Variants in CLCN4 observed in about 807,000 individuals in gnomAD.
CLCN4 encodes the protein Cl-/H+ antiporter 4.
In CLCN4, 1 loss-of-function variant was observed where a neutral mutation model predicts 41.7. That is an observed-to-expected ratio of 0.02 (90% confidence interval 0.01 to 0.11). The LOEUF (loss-of-function observed/expected upper bound fraction) is 0.11. Ranked by LOEUF, CLCN4 falls within the 10% of genes least tolerant of loss-of-function variation. The pLI, the probability that CLCN4 is intolerant of heterozygous loss-of-function variation, is 1.00. For synonymous variants in CLCN4, 277 were observed against 285.8 expected (o/e 0.97, Z 0.31); for missense variants, 287 against 661.0 (o/e 0.43, Z 6.20).
At chrX:10,173,472 C>A (rs1242894827) in intron 2 of CLCN4, among the ~76,000 whole-genome samples, 1 of 110,955 alleles carries the variant, frequency 9.0e-6, no homozygotes, top group Non-Finnish European at 1.9e-5. Context: ...CTGCGCACCC[C>A]GGGCTGGGAA....
chrX:10,162,657 A>G (rs1191681613), intron 2 of CLCN4, among the ~76,000 whole-genome samples: 2 of 112,442 alleles, frequency 1.8e-5, no homozygotes, highest in Non-Finnish European at 3.8e-5. Context: ...TCTACATTCA[A>G]TCTGTTTCAA....
At chrX:10,171,691 G>A (rs988515981) in intron 2 of CLCN4, among the ~76,000 whole-genome samples, 1 of 112,128 alleles carries the variant, frequency 8.9e-6, no homozygotes. Context: ...ATTTAGTAAA[G>A]CAAGAGGACA....
chrX:10,224,677 C>G (rs1189490319), intron 12 of CLCN4, among the ~76,000 whole-genome samples: 1 of 111,568 alleles, frequency 9.0e-6, no homozygotes, highest in Non-Finnish European at 1.9e-5. Flanking sequence ...TGGTTTCCTG[C>G]ACCTACCAAC....
chrX:10,183,120 G>A (rs1923727424), intron 2 of CLCN4, among the ~76,000 whole-genome samples: 1 of 111,581 alleles, frequency 9.0e-6, no homozygotes, highest in Admixed American at 9.5e-5. Flanking sequence ...TGTTGTTTTT[G>A]TATACATGAG....
intron 2 of CLCN4, among the ~76,000 whole-genome samples, chrX:10,177,070 G>A (rs1336238731): frequency 1.1e-4 from 12 of 112,760 alleles, no homozygotes; most frequent in Admixed American, 7.5e-4. Flanking sequence ...GCCTGCTTTC[G>A]TACAGCTTAT....
rs1306206750 is a variant in CLCN4 at position 10,220,843 on chromosome X, C to T, written c.2158C>T (p.Leu720=). 4 of 1,210,150 alleles carry T rather than the reference C, an allele frequency of 3.3e-6. No homozygotes were observed. The highest frequency in any genetic ancestry group is 4.4e-5 in the Admixed American group (2 of 45,820). The change falls in exon 12 of 13, where the codon CTG becomes TTG. Residue 720 remains leucine (L), a synonymous_variant. Transcript: ENST00000380833. ...METVVDIFRK[L]GLRQCLVTRS... ...AACGGTGGTGGATATCTTCCGGAAACTGGGGCTTCGGCAGTGCCTGGTGAC... is the reference window on the plus strand; with the variant it reads ...AACGGTGGTGGATATCTTCCGGAAATTGGGGCTTCGGCAGTGCCTGGTGAC...
intron 2 of CLCN4, among the ~76,000 whole-genome samples, chrX:10,172,517 C>CAGTCGTG (rs1923407306): frequency 9.0e-6 from 1 of 111,540 alleles, no homozygotes; most frequent in Non-Finnish European, 1.9e-5. Flanking sequence ...GTTCGCATGC[C>CAGTCGTG]TGGGGTCGTG....
chrX:10,221,091 C>G (rs1006615222), intron 12 of CLCN4, among the ~76,000 whole-genome samples: 7 of 111,100 alleles, frequency 6.3e-5, no homozygotes, highest in Admixed American at 1.9e-4. Flanking sequence ...GTGGTCCAGG[C>G]TGGACTGCTG....
intron 12 of CLCN4, among the ~76,000 whole-genome samples, chrX:10,232,741 C>A (rs1026581830): frequency 9.2e-6 from 1 of 109,253 alleles, no homozygotes; most frequent in Non-Finnish European, 1.9e-5. Flanking sequence ...ATTTCTACTG[C>A]AGTGTTTGTG....
intron 2 of CLCN4, among the ~76,000 whole-genome samples, chrX:10,161,539 AAC>A (rs999606326): frequency 1.5e-4 from 17 of 112,338 alleles, no homozygotes; most frequent in African/African-American, 5.5e-4. Flanking sequence ...ATTCGGCCCA[AAC>A]AAACGTGTAA....
chrX:10,190,603 C>A (rs184099138), intron 4 of CLCN4, among the ~76,000 whole-genome samples: 110 of 111,700 alleles, frequency 9.8e-4, no homozygotes, highest in Non-Finnish European at 1.0e-3. Context: ...TAGCATTAAG[C>A]GGAACCAAGC....
At chrX:10,225,203 C>T (rs1421437136) in intron 12 of CLCN4, among the ~76,000 whole-genome samples, 1 of 111,881 alleles carries the variant, frequency 8.9e-6, no homozygotes, top group African/African-American at 3.3e-5. Context: ...ATTTACATTC[C>T]CACCAACAGT....
At position 10,208,095 on chromosome X, in the gene CLCN4, C is replaced by T; in HGVS notation, c.894C>T (p.Ala298=). The change falls in exon 9 of 13, where the codon GCC becomes GCT. Residue 298 remains alanine (A), a synonymous_variant. Transcript: ENST00000380833. ...CCTTGTGGAGGTCATTTTTCGCAGC[C>T]CTGGTGGCGGCCTTTACGCTGAGAT... ...LKTLWRSFFA[A]LVAAFTLRSI... is the part of the protein sequence containing the mutation. 2 of 1,211,146 alleles carry T rather than the reference C, an allele frequency of 1.7e-6. No homozygotes were observed. Among genetic ancestry groups the T allele is most frequent in the African/African-American group, 1.7e-5 (1 of 57,779 alleles).
chrX:10,173,225 A>C (rs1258887156), intron 2 of CLCN4, among the ~76,000 whole-genome samples: 1 of 111,234 alleles, frequency 9.0e-6, no homozygotes, highest in East Asian at 2.8e-4. Context: ...CGGCGTCTCA[A>C]ATGCAGTCTT....
At position 10,158,467 on chromosome X, in the gene CLCN4, C is replaced by T. The variant is rs991743332; in HGVS notation, c.-96C>T. On this transcript the variant is annotated 5_prime_UTR_variant, in exon 2 of 13. In the 5' UTR this introduces an upstream ATG that the reference lacks. Transcript: ENST00000380833. ...TGGGGCCCGCCTCCTGGTGATGTCA[C>T]GGCGCTCGCAGCCGTCGCGCTGAAG... 1.3e-5 allele frequency: 4 copies of T among 296,986 alleles called. No homozygotes were observed. The highest frequency in any genetic ancestry group is 8.1e-5 in the African/African-American group (3 of 36,944). 24.5% of individuals were successfully genotyped at this position (296,986 alleles called of 1,213,427 possible).
In CLCN4 at chrX:10,189,956, C is replaced by T. The variant is rs905572717; in HGVS notation, c.244+2342C>T. 2.2e-4 allele frequency among the ~76,000 whole-genome samples: 24 copies of T among 111,566 alleles called. 1 individual carries two copies. The highest frequency in any genetic ancestry group is 7.5e-4 in the African/African-American group (23 of 30,593). On this transcript the variant is annotated intron_variant, in intron 4 of 12. Coordinates refer to ENST00000380833, the MANE Select transcript of CLCN4 (RefSeq NM_001830.4). ...GTTTGCCCCTGGATATCTGCAGGAC[C>T]CTCCCATCTTCTTCACCTTCTTCTT...
At chrX:10,176,985 G>A (rs1275986069) in intron 2 of CLCN4, among the ~76,000 whole-genome samples, 1 of 112,476 alleles carries the variant, frequency 8.9e-6, no homozygotes, top group Non-Finnish European at 1.9e-5. Context: ...CTACATTGGG[G>A]CTGATTCCTC....
intron 6 of CLCN4, among the ~76,000 whole-genome samples, chrX:10,203,386 G>A (rs188136003): frequency 3.6e-5 from 4 of 111,262 alleles, no homozygotes; most frequent in Non-Finnish European, 5.7e-5. Flanking sequence ...TGTCTGCCAC[G>A]AGTTCAAGGC....
At chrX:10,210,271 G>C (rs1049654258) in intron 9 of CLCN4, among the ~76,000 whole-genome samples, 3 of 111,299 alleles carry the variant, frequency 2.7e-5, no homozygotes, top group Non-Finnish European at 5.6e-5. Context: ...CCACCTTTTG[G>C]CTATTATGAA....
Sources: gnomAD v4.1 joint callset for allele counts (sites outside exome capture counted in the v4.1 genomes callset) on GRCh38, gnomAD v4.1.1 for gene constraint, MANE v1.5 for transcripts, NCBI Gene and HGNC (gene_info 2026-07-23, HGNC 2026-07-21) for gene names.